WDR70: variants seen among roughly 807,000 people sequenced by gnomAD.
WDR70 encodes WD repeat domain 70.
WDR70 carries 53 observed loss-of-function variants against 88.6 expected under a neutral mutation model. The ratio of observed to expected loss-of-function variants is 0.60; its 90% CI spans 0.48 to 0.75. The LOEUF is 0.75. WDR70 is among the 30% of genes least tolerant of loss of function. The probability of loss-of-function intolerance (pLI) is 0.00; values close to 1 mark genes in which losing one functional copy is unlikely to be tolerated. For synonymous variants in WDR70, 280 were observed against 270.0 expected (o/e 1.04, Z -0.36); for missense variants, 610 against 823.2 (o/e 0.74, Z 3.17).
At chr5:37,516,091 C>G (rs1740877573) in intron 8 of WDR70, among the ~76,000 whole-genome samples, 1 of 152,208 alleles carries the variant, frequency 6.6e-6, no homozygotes, top group East Asian at 1.9e-4. Context: ...CTTCCAATCT[C>G]TTGCCTTCAC....
intron 9 of WDR70, among the ~76,000 whole-genome samples, chr5:37,583,926 C>G (rs1693344911): frequency 6.6e-6 from 1 of 152,118 alleles, no homozygotes; most frequent in African/African-American, 2.4e-5. Flanking sequence ...ACTGCTTGAA[C>G]CAACAATATT....
intron 7 of WDR70, among the ~76,000 whole-genome samples, chr5:37,451,566 T>A (rs1447325016): frequency 6.6e-6 from 1 of 152,176 alleles, no homozygotes; most frequent in Non-Finnish European, 1.5e-5. Context: ...TCCCTTTAAG[T>A]GGCCAAATCC....
intron 9 of WDR70, among the ~76,000 whole-genome samples, chr5:37,536,092 G>A (rs1021441547): frequency 1.1e-4 from 16 of 152,128 alleles, no homozygotes; most frequent in Admixed American, 5.9e-4. Flanking sequence ...TACAGTGGTG[G>A]TGCTACCACA....
At chr5:37,476,994 A>G (rs1003886740) in intron 7 of WDR70, among the ~76,000 whole-genome samples, 3 of 152,260 alleles carry the variant, frequency 2.0e-5, no homozygotes, top group Non-Finnish European at 2.9e-5. Flanking sequence ...GAGAAAAATC[A>G]GTGTAAAAGT....
intron 7 of WDR70, among the ~76,000 whole-genome samples, chr5:37,475,208 C>CAA (rs754133463): frequency 0.85 from 129,175 of 151,086 alleles, 58,794 homozygotes; most frequent in East Asian, 1. Context: ...GTGTGAGCCA[C>CAA]GGTACCCATC....
intron 10 of WDR70, among the ~76,000 whole-genome samples, chr5:37,621,885 T>C (rs910538164): frequency 3.3e-5 from 5 of 152,092 alleles, no homozygotes; most frequent in African/African-American, 7.2e-5. Flanking sequence ...GTCTTTAATC[T>C]ATCTTGAATT....
intron 9 of WDR70, among the ~76,000 whole-genome samples, chr5:37,532,224 T>C (rs964442728): frequency 5.3e-5 from 8 of 152,234 alleles, no homozygotes; most frequent in Non-Finnish European, 8.8e-5. Context: ...GATAACCTGA[T>C]GACTGTGTGC....
At chr5:37,382,438 A>C (rs1748456254) in intron 3 of WDR70, among the ~76,000 whole-genome samples, 1 of 147,788 alleles carries the variant, frequency 6.8e-6, no homozygotes, top group Non-Finnish European at 1.5e-5. Context: ...TTTGAGATGG[A>C]GTCTCGCTTT....
At chr5:37,697,842 A>G in intron 11 of WDR70, 88 bp downstream of exon 11, 5 of 1,132,576 alleles carry the variant, frequency 4.4e-6, no homozygotes, top group Non-Finnish European at 6.3e-6. Context: ...AGTGCTTAGT[A>G]AAGCTTGCTT....
chr5:37,504,612 A>G (rs951858068), intron 8 of WDR70, among the ~76,000 whole-genome samples: 18 of 152,252 alleles, frequency 1.2e-4, no homozygotes, highest in Non-Finnish European at 2.2e-4. Context: ...TCTTGGTAAA[A>G]GTAATAAAGC....
At chr5:37,599,778 AG>A (rs1743809191) in intron 9 of WDR70, among the ~76,000 whole-genome samples, 1 of 152,086 alleles carries the variant, frequency 6.6e-6, no homozygotes, top group Non-Finnish European at 1.5e-5. Flanking sequence ...CTGTACTCCT[AG>A]CTACTCAAGG....
intron 17 of WDR70, among the ~76,000 whole-genome samples, chr5:37,740,636 A>G (rs1748446508): frequency 6.6e-6 from 1 of 152,058 alleles, no homozygotes; most frequent in African/African-American, 2.4e-5. Context: ...CCCATGCCTA[A>G]CTCCCCAAAA....
At chr5:37,591,914 A>T (rs1337377366) in intron 9 of WDR70, among the ~76,000 whole-genome samples, 1 of 152,260 alleles carries the variant, frequency 6.6e-6, no homozygotes, top group Admixed American at 6.5e-5. Context: ...GACTTAAAAA[A>T]GAGAAAAGGT....
At chr5:37,523,050 G>T (rs1445982432) in intron 9 of WDR70, among the ~76,000 whole-genome samples, 1 of 152,222 alleles carries the variant, frequency 6.6e-6, no homozygotes, top group Non-Finnish European at 1.5e-5. Context: ...CTCCACCTCT[G>T]GGGGCAGGGC....
intron 5 of WDR70, among the ~76,000 whole-genome samples, chr5:37,433,904 T>G (rs924692954): frequency 6.6e-6 from 1 of 152,252 alleles, no homozygotes; most frequent in Non-Finnish European, 1.5e-5. Flanking sequence ...TTAATAGTTC[T>G]TTTATCATTA....
intron 10 of WDR70, among the ~76,000 whole-genome samples, chr5:37,609,265 A>G (rs1212518643): frequency 6.6e-6 from 1 of 152,210 alleles, no homozygotes; most frequent in Non-Finnish European, 1.5e-5. Flanking sequence ...GCAAATTTTT[A>G]AAAACTATGT....
intron 8 of WDR70, among the ~76,000 whole-genome samples, chr5:37,484,535 G>A (rs2112171451): frequency 6.6e-6 from 1 of 152,254 alleles, no homozygotes; most frequent in East Asian, 1.9e-4. Flanking sequence ...GGCATCAGAG[G>A]GAGACCGTGG....
chr5:37,722,831 A>C, intron 14 of WDR70, 24 bp from the exon 15 acceptor site: 1 of 1,611,922 alleles, frequency 6.2e-7, no homozygotes, highest in Non-Finnish European at 8.5e-7. Context: ...AGTAAAGAAA[A>C]TAATTTGCTT....
At chr5:37,418,868 ATTCTCCTGCCTCAGCC>A (rs747628667) in intron 5 of WDR70, among the ~76,000 whole-genome samples, 1 of 151,862 alleles carries the variant, frequency 6.6e-6, no homozygotes, top group Non-Finnish European at 1.5e-5. Context: ...GGTTCAAGCA[ATTCTCCTGCCTCAGCC>A]TCCTGGGTAG....
Sources: gnomAD v4.1 joint callset for allele counts (sites outside exome capture counted in the v4.1 genomes callset) on GRCh38, gnomAD v4.1.1 for gene constraint, MANE v1.5 for transcripts, NCBI Gene and HGNC (gene_info 2026-07-23, HGNC 2026-07-21) for gene names.